Variants in FBN1 observed in about 807,000 individuals in gnomAD.
The protein encoded by FBN1 is fibrillin-1.
In FBN1, 29 loss-of-function variants were observed where a neutral mutation model predicts 365.1. The observed-to-expected ratio is 0.08, with a 90% CI of 0.06 to 0.11. FBN1 has a LOEUF of 0.11. Among genes scored for constraint, FBN1 ranks in the 10% least tolerant of loss-of-function variants. The probability of loss-of-function intolerance (pLI) is 1.00; values close to 1 mark genes in which losing one functional copy is unlikely to be tolerated. For synonymous variants in FBN1, 1,210 were observed against 1,270.5 expected (o/e 0.95, Z 1.01); for missense variants, 2,476 against 3,703.2 (o/e 0.67, Z 8.60).
At chr15:48,465,540 A>G in intron 40 of FBN1, 28 bp downstream of exon 40, 1 of 1,613,714 alleles carries the variant, frequency 6.2e-7, no homozygotes, top group Middle Eastern at 1.7e-4. Context: ...TATCTGCAAG[A>G]CCTTATCATC....
chr15:48,581,956 G>A (rs1475271157), intron 6 of FBN1, among the ~76,000 whole-genome samples: 1 of 152,116 alleles, frequency 6.6e-6, no homozygotes, highest in Non-Finnish European at 1.5e-5. Flanking sequence ...AAAATATGAA[G>A]GGTTGCCCCA....
intron 10 of FBN1, 73 bp from the exon 11 acceptor site, chr15:48,516,435 C>G: frequency 6.9e-7 from 1 of 1,448,774 alleles, no homozygotes; most frequent in Non-Finnish European, 9.6e-7. Flanking sequence ...AGAAGTCATC[C>G]TTATTTTTTT....
intron 31 of FBN1, among the ~76,000 whole-genome samples, chr15:48,482,873 C>T (rs2043476137): frequency 6.6e-6 from 1 of 152,166 alleles, no homozygotes. Flanking sequence ...CCTCATAATT[C>T]ACAGGGAATT....
chr15:48,427,627 C>T lies in FBN1; in HGVS notation c.7144G>A (p.Gly2382Arg). Residue 2382 changes from glycine to arginine, a missense_variant, in exon 58 of 66, where the codon GGG becomes AGG. Gly to Arg is a moderately radical substitution (Grantham distance 125, BLOSUM62 -2). This residue lies in a region of FBN1 where 1,780 missense variants were observed against 2,840.8 expected (regional missense o/e 0.63). Coordinates refer to ENST00000316623, the MANE Select transcript of FBN1 (RefSeq NM_000138.5). ...GPHCEICPFQ[G>R]TVAFKKLCPH... ...CAGAGTTTCTTGAAAGCCACAGTCC[C>T]CTGGAAAGGGCAGATCTCACAGTGG... is the stretch of plus-strand genomic sequence containing the variant. 6.2e-7 allele frequency: 1 copy of T among 1,614,140 alleles called. No homozygotes were observed. Among genetic ancestry groups the T allele is most frequent in the Non-Finnish European group, 8.5e-7 (1 of 1,180,014 alleles).
chr15:48,645,248 G>A (rs954827487), intron 1 of FBN1, among the ~76,000 whole-genome samples: 7 of 152,160 alleles, frequency 4.6e-5, no homozygotes, highest in African/African-American at 1.7e-4. Context: ...TTTTTTAGCG[G>A]CACGAATTGC....
chr15:48,516,335 G>C lies in FBN1; in HGVS notation c.1175C>G (p.Pro392Arg), dbSNP rs534127494. The C allele has an allele frequency of 1.5e-5, 24 of 1,613,816 alleles. No individual in the cohort carries two copies. In the Admixed American group the frequency reaches 3.0e-4, roughly 20 times the overall value. ...TTCTGGTCTCCCAGGAATTACCATA[G>C]GAACAGAGCACAGCTTGTTGAAATC... is the stretch of plus-strand genomic sequence containing the variant. The part of the protein sequence containing the change: ...TEDFNKLCSV[P>R]MVIPGRPEYP... Residue 392 changes from proline (P) to arginine (R), a missense_variant, in exon 11 of 66, where the codon CCT becomes CGT. By Grantham distance (103) the Pro-to-Arg change is moderately radical. Around this residue, in one of 5 missense-constraint regions of FBN1, gnomAD observed 421 missense variants for 520.1 expected, o/e 0.81. Coordinates refer to ENST00000316623, the MANE Select transcript of FBN1 (RefSeq NM_000138.5).
At chr15:48,531,515 A>G (rs1445223590) in intron 8 of FBN1, among the ~76,000 whole-genome samples, 3 of 152,196 alleles carry the variant, frequency 2.0e-5, no homozygotes, top group Non-Finnish European at 4.4e-5. Flanking sequence ...ACTCAAAGCA[A>G]TGGCAAAGGT....
intron 50 of FBN1, 111 bp from the exon 51 acceptor site, chr15:48,438,028 A>C: frequency 1.9e-6 from 2 of 1,074,030 alleles, no homozygotes; most frequent in East Asian, 4.7e-5. Flanking sequence ...TCTCAGGACC[A>C]CAGCAATACT....
chr15:48,634,647 T>C (rs1195022379), intron 2 of FBN1, among the ~76,000 whole-genome samples: 2 of 152,108 alleles, frequency 1.3e-5, no homozygotes, highest in Non-Finnish European at 2.9e-5. Context: ...GTATTTTACT[T>C]AGACCTTGTT....
At chr15:48,416,304 G>A (rs2042903237) in intron 63 of FBN1, among the ~76,000 whole-genome samples, 1 of 152,164 alleles carries the variant, frequency 6.6e-6, no homozygotes, top group African/African-American at 2.4e-5. Flanking sequence ...TCTGGCAAAG[G>A]CTGATATCCT....
chr15:48,447,982 C>A (rs1007080429), intron 46 of FBN1, among the ~76,000 whole-genome samples: 1 of 152,100 alleles, frequency 6.6e-6, no homozygotes, highest in African/African-American at 2.4e-5. Context: ...GAAAGTTGGG[C>A]AGGATCATCA....
At chr15:48,566,442 A>G (rs1173662988) in intron 6 of FBN1, among the ~76,000 whole-genome samples, 2 of 152,220 alleles carry the variant, frequency 1.3e-5, no homozygotes, top group East Asian at 1.9e-4. Context: ...TTCCAACTAT[A>G]AAGTTAAACA....
intron 2 of FBN1, chr15:48,641,948 T>C (rs1890205603): frequency 6.6e-6 from 1 of 152,250 alleles, no homozygotes; most frequent in Non-Finnish European, 1.5e-5. Context: ...CCAGCAATTC[T>C]ATTTTTACTA....
rs749897052 is a variant in FBN1, at chr15:48,456,871, T to TGTGTGTGC, written c.5297-110_5297-109insGCACACAC. ...GTGTGTGTGTGTGTGTGTGTGTGTG[T>TGTGTGTGC]GCGTGCATGTGTTGGGGTGGTGGTG... On this transcript the variant is annotated intron_variant, in intron 43 of 65. Transcript: ENST00000316623. The TGTGTGTGC allele has an allele frequency of 1.3e-3, 1,380 of 1,083,546 alleles. 13 individuals are homozygous for TGTGTGTGC. The African/African-American group carries it at 0.019, about 15-fold the overall frequency. The allele number at this position is 1,083,546 out of a possible 1,614,324, so 67.1% of individuals were successfully genotyped here.
In FBN1 at chr15:48,524,229, C is replaced by T. The variant is rs112580795; in HGVS notation, c.988+1901G>A. The stretch of plus-strand genomic sequence containing the variant: ...AAAATAATACTAAAAGAGCTTAGAA[C>T]ACAAAGGGAGCTCGGGGCTGGGAGG... On this transcript the variant is annotated intron_variant, in intron 9 of 65. Transcript: ENST00000316623. Among the ~76,000 whole-genome samples, 1,018 of 152,234 alleles carry T rather than the reference C, an allele frequency of 6.7e-3. 9 individuals are homozygous for T. The highest frequency in any genetic ancestry group is 0.023 in the African/African-American group (969 of 41,550).
Position 48,492,267 on chromosome 15 carries a change from T to C in FBN1, c.2854+194A>G, listed in dbSNP as rs112007510. 4.5e-4 allele frequency among the ~76,000 whole-genome samples: 68 copies of C among 152,330 alleles called. 1 individual carries two copies. The highest frequency in any genetic ancestry group is 2.7e-3 in the Admixed American group (42 of 15,304). On this transcript the variant is annotated intron_variant, in intron 24 of 65. Transcript: ENST00000316623. ...GCTAGTGATTTAAGGAATAGTTGCA[T>C]ATCAACAGAAACTACAGTTGCTGCT... is the stretch of plus-strand genomic sequence containing the variant.
chr15:48,506,868 C>A (rs2043712459), intron 15 of FBN1, among the ~76,000 whole-genome samples: 1 of 152,116 alleles, frequency 6.6e-6, no homozygotes, highest in Admixed American at 6.5e-5. Flanking sequence ...GTACTCTATG[C>A]TCTATAAGCT....
chr15:48,454,878 C>T (rs1024337102), intron 44 of FBN1, among the ~76,000 whole-genome samples: 1 of 152,184 alleles, frequency 6.6e-6, no homozygotes, highest in African/African-American at 2.4e-5. Flanking sequence ...AGGGACCCAG[C>T]ACCACCTCAC....
chr15:48,572,864 A>G (rs1251790125), intron 6 of FBN1, among the ~76,000 whole-genome samples: 1 of 152,218 alleles, frequency 6.6e-6, no homozygotes, highest in Non-Finnish European at 1.5e-5. Flanking sequence ...CAGTTTAAAT[A>G]TGGTTGTCTT....
Sources: gnomAD v4.1 joint callset for allele counts (sites outside exome capture counted in the v4.1 genomes callset) on GRCh38, gnomAD v4.1.1 for gene constraint, gnomAD v4.1.1 regional missense constraint, MANE v1.5 for transcripts, NCBI Gene and HGNC (gene_info 2026-07-23, HGNC 2026-07-21) for gene names.